ARHGAP18: variants seen among roughly 807,000 people sequenced by gnomAD.
The protein encoded by ARHGAP18 is Rho GTPase activating protein 18.
Under a neutral mutation model 86.2 loss-of-function variants are expected in ARHGAP18, and 67 were observed. That is an observed-to-expected ratio of 0.78 (90% CI 0.64 to 0.95). ARHGAP18 has a LOEUF of 0.95. ARHGAP18 is among the 40% of genes least tolerant of loss of function. ARHGAP18 has a pLI of 0.00. For missense variants in ARHGAP18, 691 were observed against 780.4 expected, an observed-to-expected ratio of 0.89 and a Z score of 1.37; for synonymous variants, 283 against 280.4, an observed-to-expected ratio of 1.01 and a Z score of -0.09.
Position 129,580,092 on chromosome 6 carries a change from C to CA in ARHGAP18, c.1877dup (p.Leu626PhefsTer3), listed in dbSNP as rs866380047. On this transcript the variant is annotated frameshift_variant, in exon 14 of 15. Coordinates refer to ENST00000368149, the MANE Select transcript of ARHGAP18 (RefSeq NM_033515.3). LOFTEE classifies it high-confidence loss of function. ...TACCAATATTTCCTCCAATTTCATA[C>CA]AAAAAAACTTCTCCTTTCTTGAGAG... 4 of 1,613,296 alleles carry CA rather than the reference C, an allele frequency of 2.5e-6. No homozygotes were observed. Among genetic ancestry groups the CA allele is most frequent in the Non-Finnish European group, 3.4e-6 (4 of 1,179,620 alleles).
intron 5 of ARHGAP18, among the ~76,000 whole-genome samples, chr6:129,622,411 C>T (rs765875145): frequency 2.2e-4 from 34 of 151,880 alleles, no homozygotes; most frequent in Non-Finnish European, 4.4e-4. Context: ...GTAATACAGC[C>T]GTTTAAAGCA....
intron 1 of ARHGAP18, among the ~76,000 whole-genome samples, chr6:129,655,046 T>C (rs930998268): frequency 6.6e-6 from 1 of 151,136 alleles, no homozygotes; most frequent in Non-Finnish European, 1.5e-5. Flanking sequence ...CTCGGCCGGG[T>C]GCGGTGGCTC....
chr6:129,619,734 A>G (rs903966645), intron 5 of ARHGAP18, among the ~76,000 whole-genome samples: 2 of 151,260 alleles, frequency 1.3e-5, no homozygotes, highest in African/African-American at 4.9e-5. Flanking sequence ...TGCTTAGAAC[A>G]TGCCAGGTAC....
intron 12 of ARHGAP18, among the ~76,000 whole-genome samples, chr6:129,593,626 T>C (rs1405506809): frequency 1.3e-5 from 2 of 152,182 alleles, no homozygotes; most frequent in Admixed American, 1.3e-4. Context: ...GCTGGGGCTA[T>C]ATCCTCAGGC....
chr6:129,595,455 C>T (rs1250433827), intron 12 of ARHGAP18, among the ~76,000 whole-genome samples: 2 of 152,176 alleles, frequency 1.3e-5, no homozygotes, highest in African/African-American at 4.8e-5. Flanking sequence ...CTATTACTCT[C>T]TTTGGAGGAA....
intron 12 of ARHGAP18, among the ~76,000 whole-genome samples, chr6:129,597,692 CATTTTGTTGATGAGTAACTGA>C (rs2114444831): frequency 6.6e-6 from 1 of 151,022 alleles, no homozygotes; most frequent in East Asian, 2.0e-4. Context: ...GTGGCAATAG[CATTTTGTTGATGAGTAACTGA>C]ATTTCACATA....
intron 1 of ARHGAP18, among the ~76,000 whole-genome samples, chr6:129,708,664 C>T (rs756764074): frequency 1.3e-5 from 2 of 152,150 alleles, no homozygotes; most frequent in African/African-American, 2.4e-5. Context: ...AGCCTAAAGT[C>T]GGAGAATGTC....
chr6:129,663,603 C>T (rs1227172960), intron 1 of ARHGAP18, among the ~76,000 whole-genome samples: 1 of 152,154 alleles, frequency 6.6e-6, no homozygotes, highest in Non-Finnish European at 1.5e-5. Context: ...AACAGCATAA[C>T]CAAGTATCCT....
intron 1 of ARHGAP18, among the ~76,000 whole-genome samples, chr6:129,696,987 G>A (rs535526695): frequency 6.6e-6 from 1 of 152,304 alleles, no homozygotes; most frequent in East Asian, 1.9e-4. Flanking sequence ...GTTGGCCTAT[G>A]ATTAATTGGC....
intron 5 of ARHGAP18, among the ~76,000 whole-genome samples, chr6:129,623,762 A>T (rs1320410537): frequency 6.6e-6 from 1 of 152,228 alleles, no homozygotes; most frequent in Non-Finnish European, 1.5e-5. Flanking sequence ...GAGTTTCTAT[A>T]GATGAGTATA....
rs1246425933 is a variant in ARHGAP18, at chr6:129,710,131, G to C, written c.6C>G (p.Ser2Arg). The change falls in exon 1 of 15, where the codon AGC becomes AGG. Residue 2 changes from serine to arginine, a missense_variant. By Grantham distance (110) the Ser-to-Arg change is moderately radical. Coordinates refer to ENST00000368149, the MANE Select transcript of ARHGAP18 (RefSeq NM_033515.3). M[S>R]WLSSSQGVVL... ...CCACTCCCTGGGAACTGGAGAGCCA[G>C]CTCATGGTGAGAGAAGGGACATACT... is the stretch of plus-strand genomic sequence containing the variant. 1 of 1,612,780 alleles carries C rather than the reference G, an allele frequency of 6.2e-7. No homozygotes were observed. Among genetic ancestry groups the C allele is most frequent in the East Asian group, 2.2e-5 (1 of 44,882 alleles).
intron 9 of ARHGAP18, among the ~76,000 whole-genome samples, chr6:129,607,530 C>CAGTAAGT (rs1788878737): frequency 6.6e-6 from 1 of 152,142 alleles, no homozygotes; most frequent in African/African-American, 2.4e-5. Context: ...ACAGCTTCTC[C>CAGTAAGT]AGTAAGTGTT....
intron 1 of ARHGAP18, among the ~76,000 whole-genome samples, chr6:129,683,018 T>A (rs1317989878): frequency 6.6e-5 from 10 of 151,170 alleles, no homozygotes; most frequent in Non-Finnish European, 8.9e-5. Context: ...CTTATATACT[T>A]CAGGAAAAAA....
chr6:129,618,918 G>A (rs1318281404), intron 5 of ARHGAP18, 66 bp from the exon 6 acceptor site: 32 of 1,396,628 alleles, frequency 2.3e-5, no homozygotes, highest in Non-Finnish European at 2.8e-5. Context: ...ATGCAGGAAG[G>A]AAAAACCAAC....
intron 10 of ARHGAP18, among the ~76,000 whole-genome samples, 180 bp downstream of exon 10, chr6:129,605,697 G>A (rs939648656): frequency 6.6e-6 from 1 of 152,078 alleles, no homozygotes; most frequent in Non-Finnish European, 1.5e-5. Context: ...AATAACATTA[G>A]TAACATAACA....
At chr6:129,649,294 G>A (rs572193845) in intron 1 of ARHGAP18, among the ~76,000 whole-genome samples, 7 of 152,140 alleles carry the variant, frequency 4.6e-5, no homozygotes, top group Non-Finnish European at 8.8e-5. Flanking sequence ...GGTGACTCAC[G>A]CCTGTAATCC....
intron 3 of ARHGAP18, among the ~76,000 whole-genome samples, chr6:129,637,404 T>C (rs1445851688): frequency 6.6e-6 from 1 of 152,148 alleles, no homozygotes; most frequent in Non-Finnish European, 1.5e-5. Flanking sequence ...AATCCCACAG[T>C]CTCTACCAGA....
intron 2 of ARHGAP18, among the ~76,000 whole-genome samples, chr6:129,640,061 A>AAAAC (rs1253199686): frequency 1.4e-5 from 2 of 138,434 alleles, no homozygotes; most frequent in South Asian, 2.3e-4. Flanking sequence ...AAAAAAAAAA[A>AAAAC]AAACAAACAA....
chr6:129,631,979 A>C (rs951209128), intron 4 of ARHGAP18, among the ~76,000 whole-genome samples: 5 of 152,310 alleles, frequency 3.3e-5, no homozygotes, highest in Middle Eastern at 3.4e-3. Context: ...CAACTATAAA[A>C]CTTAACAACC....
Sources: gnomAD v4.1 joint callset for allele counts (sites outside exome capture counted in the v4.1 genomes callset) on GRCh38, gnomAD v4.1.1 for gene constraint, MANE v1.5 for transcripts, NCBI Gene and HGNC (gene_info 2026-07-23, HGNC 2026-07-21) for gene names.